MELK: variants seen among roughly 807,000 people sequenced by gnomAD.
MELK encodes pEg3 kinase.
A neutral mutation model predicts 85.0 loss-of-function variants in MELK; 81 were observed. That is an observed-to-expected ratio of 0.95 (90% CI 0.80 to 1.15). The LOEUF is 1.15. MELK is among the 50% of genes most tolerant of loss of function. MELK has a pLI of 0.00. For synonymous variants in MELK, 252 were observed against 265.0 expected, an observed-to-expected ratio of 0.95 and a Z score of 0.48; for missense variants, 754 against 777.5, an observed-to-expected ratio of 0.97 and a Z score of 0.36.
chr9:36,677,169 G>A lies in MELK; in HGVS notation c.1788G>A (p.Leu596=), dbSNP rs777799463. 1.9e-6 allele frequency: 3 copies of A among 1,613,488 alleles called. No individual in the cohort carries two copies. In the East Asian group the frequency reaches 6.7e-5, roughly 36 times the overall value. ...HVDFVQKGYT[L]KCQTQSDFGK... is the part of the protein sequence containing the mutation. ...ATCTTGTTTTTCACAGTTATACACTGAAGTGTCAAACACAGTCAGATTTTG... is the reference window on the plus strand; with the variant it reads ...ATCTTGTTTTTCACAGTTATACACTAAAGTGTCAAACACAGTCAGATTTTG... Residue 596 remains leucine, a synonymous_variant, in exon 18 of 18, where the codon CTG becomes CTA. Transcript: ENST00000298048.
rs150268458 is a variant in MELK, at chr9:36,674,935, G to A, written c.1776G>A (p.Lys592=). Residue 592 remains lysine (K), a splice_region_variant and synonymous_variant, in exon 17 of 18, where the codon AAG becomes AAA. Transcript: ENST00000298048. ...LPKKHVDFVQ[K]GYTLKCQTQS... ...AGAAGCATGTTGACTTTGTACAAAAGGGGTAAGAAGCACATTTACAAGCTG... is the reference window on the plus strand; with the variant it reads ...AGAAGCATGTTGACTTTGTACAAAAAGGGTAAGAAGCACATTTACAAGCTG... 20 of 1,562,850 alleles carry A rather than the reference G, an allele frequency of 1.3e-5. No individual in the cohort carries two copies. In the African/African-American group the frequency reaches 2.3e-4, roughly 18 times the overall value.
chr9:36,615,002 C>T (rs1470829356), intron 8 of MELK, among the ~76,000 whole-genome samples: 1 of 147,474 alleles, frequency 6.8e-6, no homozygotes, highest in African/African-American at 2.6e-5. Flanking sequence ...CCTCACTTCC[C>T]AGTAGGGGCG....
At chr9:36,628,698 G>A (rs1468017055) in intron 8 of MELK, among the ~76,000 whole-genome samples, 1 of 152,014 alleles carries the variant, frequency 6.6e-6, no homozygotes, top group Non-Finnish European at 1.5e-5. Context: ...GATTACAGGC[G>A]TGAGCCACCA....
At chr9:36,594,555 C>T in intron 4 of MELK, 73 bp from the exon 5 acceptor site, 3 of 1,532,656 alleles carry the variant, frequency 2.0e-6, no homozygotes, top group East Asian at 2.3e-5. Context: ...GTTAAGTGTA[C>T]TTTTTTATTT....
chr9:36,652,038 T>C (rs1405428634), intron 12 of MELK, among the ~76,000 whole-genome samples, 161 bp downstream of exon 12: 1 of 100,442 alleles, frequency 1.0e-5, no homozygotes, highest in East Asian at 3.1e-4. Context: ...GAAGTTGAAC[T>C]CTAATTTTTT....
intron 12 of MELK, among the ~76,000 whole-genome samples, chr9:36,654,619 G>A (rs966162606): frequency 6.6e-6 from 1 of 151,956 alleles, no homozygotes; most frequent in Non-Finnish European, 1.5e-5. Flanking sequence ...GCCTCCCAAA[G>A]TGCTGGGAAC....
At chr9:36,606,652 CATATGT>C (rs373691847) in intron 7 of MELK, among the ~76,000 whole-genome samples, 118 of 145,486 alleles carry the variant, frequency 8.1e-4, no homozygotes, top group Admixed American at 1.5e-3. Flanking sequence ...TATATGGACA[CATATGT>C]ATATGTATAT....
Position 36,618,247 on chromosome 9 carries a change from A to G in MELK, c.666+10574A>G, listed in dbSNP as rs564131011. ...AACATGGTGAAACCCCATCTCTACT[A>G]AAAATACAAGAATTTTCTGGTCGTG... On this transcript the variant is annotated intron_variant, in intron 8 of 17. Transcript: ENST00000298048. 7.8e-4 allele frequency among the ~76,000 whole-genome samples: 118 copies of G among 152,168 alleles called. 1 individual carries two copies. The highest frequency in any genetic ancestry group is 1.2e-3 in the Non-Finnish European group (82 of 67,978).
rs1831393850 is a variant in MELK, at chr9:36,657,729, T to C, written c.1176+366T>C. On this transcript the variant is annotated intron_variant, in intron 13 of 17. Coordinates refer to ENST00000298048, the MANE Select transcript of MELK (RefSeq NM_014791.4). ...CCTCCTGAGTAGCTGGGATTACAGG[T>C]GCCTGCTGCCTCTCCTGGCTAATTT... Among the ~76,000 whole-genome samples the C allele has an allele frequency of 2.6e-5, 4 of 152,112 alleles. 2 individuals carry two copies. In the South Asian group the frequency reaches 8.3e-4, roughly 32 times the overall value.
chr9:36,602,275 G>A (rs1288373112), intron 7 of MELK, among the ~76,000 whole-genome samples: 1 of 151,990 alleles, frequency 6.6e-6, no homozygotes, highest in Non-Finnish European at 1.5e-5. Context: ...GGCGGATCAT[G>A]AGGTTAGGAG....
chr9:36,634,498 G>T (rs1187742126), intron 10 of MELK, among the ~76,000 whole-genome samples: 2 of 151,370 alleles, frequency 1.3e-5, no homozygotes, highest in Non-Finnish European at 2.9e-5. Context: ...ATTACTTGAG[G>T]TCAGGAGTTC....
intron 14 of MELK, among the ~76,000 whole-genome samples, chr9:36,668,894 A>G (rs1832633580): frequency 1.3e-5 from 2 of 152,184 alleles, no homozygotes; most frequent in Non-Finnish European, 2.9e-5. Flanking sequence ...GAATCGGGCT[A>G]TGAATTCAAT....
intron 10 of MELK, among the ~76,000 whole-genome samples, chr9:36,635,298 T>G (rs1829023800): frequency 6.6e-6 from 1 of 151,900 alleles, no homozygotes. Flanking sequence ...AATCTCGCTA[T>G]TATCGCCCAG....
chr9:36,596,117 G>T (rs2135488395), intron 5 of MELK, among the ~76,000 whole-genome samples: 1 of 150,332 alleles, frequency 6.7e-6, no homozygotes, highest in South Asian at 2.1e-4. Flanking sequence ...TACCTGGCCG[G>T]AAACTATCTT....
rs1009941737 is a variant in MELK at position 36,639,509 on chromosome 9, A to G, written c.835-3488A>G. Among the ~76,000 whole-genome samples the G allele has an allele frequency of 2.0e-5, 3 of 152,358 alleles. No homozygotes were observed. In the East Asian group the frequency reaches 5.8e-4, roughly 29 times the overall value. ...ATTGCATCAAATAGAAATTATAGTC[A>G]GTTTCATTTTCTGCCCTGGCGAACA... On this transcript the variant is annotated intron_variant, in intron 10 of 17. Transcript: ENST00000298048.
rs114075192 is a variant in MELK at position 36,575,951 on chromosome 9, A to G, written c.-39+2944A>G. Among the ~76,000 whole-genome samples, 1,412 of 151,862 alleles carry G rather than the reference A, an allele frequency of 9.3e-3. 16 individuals are homozygous for G. The highest frequency in any genetic ancestry group is 0.029 in the African/African-American group (1,188 of 41,392). On this transcript the variant is annotated intron_variant, in intron 1 of 17. Coordinates refer to ENST00000298048, the MANE Select transcript of MELK (RefSeq NM_014791.4). ...CCAAAGATTTCTGAGCCTTAGGTTGACCTCTATACTTTTACTGTTTTTATT... is the reference window on the plus strand; with the variant it reads ...CCAAAGATTTCTGAGCCTTAGGTTGGCCTCTATACTTTTACTGTTTTTATT...
chr9:36,641,972 C>G (rs942707563), intron 10 of MELK, among the ~76,000 whole-genome samples: 2 of 152,106 alleles, frequency 1.3e-5, no homozygotes, highest in Non-Finnish European at 2.9e-5. Context: ...CCTGTGTAAT[C>G]TTCTGAGCTC....
intron 7 of MELK, among the ~76,000 whole-genome samples, chr9:36,600,715 A>G (rs1198531145): frequency 6.6e-6 from 1 of 152,174 alleles, no homozygotes; most frequent in African/African-American, 2.4e-5. Context: ...GTGCTCTTGT[A>G]CAGTGTGATC....
intron 5 of MELK, 87 bp from the exon 6 acceptor site, chr9:36,597,135 C>A: frequency 9.0e-7 from 1 of 1,110,406 alleles, no homozygotes; most frequent in Non-Finnish European, 1.3e-6. Context: ...CCACACCTGG[C>A]CTTAAGTCAT....
Sources: gnomAD v4.1 joint callset for allele counts (sites outside exome capture counted in the v4.1 genomes callset) on GRCh38, gnomAD v4.1.1 for gene constraint, MANE v1.5 for transcripts, NCBI Gene and HGNC (gene_info 2026-07-23, HGNC 2026-07-21) for gene names.